Variants in TNNI3K observed in about 807,000 individuals in gnomAD.
The protein encoded by TNNI3K is serine/threonine-protein kinase TNNI3K.
TNNI3K carries 140 observed loss-of-function variants against 114.5 expected under a neutral mutation model. That is an observed-to-expected ratio of 1.22 (90% CI 1.07 to 1.41). The LOEUF is 1.41. TNNI3K is among the 40% of genes most tolerant of loss of function. The pLI is 0.00. For missense variants in TNNI3K, 1,125 were observed against 1,007.6 expected (o/e 1.12, Z -1.58); for synonymous variants, 347 against 347.5 (o/e 1.00, Z 0.02).
At chr1:74,389,231 A>G (rs1269079627) in intron 17 of TNNI3K, among the ~76,000 whole-genome samples, 1 of 152,236 alleles carries the variant, frequency 6.6e-6, no homozygotes, top group Admixed American at 6.5e-5. Context: ...TCTAAAGATT[A>G]CAGATTTATG....
Position 74,484,830 on chromosome 1 carries a change from C to G in TNNI3K, c.2122-4359C>G, listed in dbSNP as rs373082037. Among the ~76,000 whole-genome samples, 13 of 152,224 alleles carry G rather than the reference C, an allele frequency of 8.5e-5. No homozygotes were observed. The East Asian group carries it at 2.1e-3, about 25-fold the overall frequency. ...TTGGAGGCTATAGTGAGTGGCATTA[C>G]TTGGTCTGATGTCTATTTTTAAAGA... On this transcript the variant is annotated intron_variant, in intron 21 of 24. Transcript: ENST00000326637.
chr1:74,371,055 C>T (rs1662571196), intron 17 of TNNI3K: 1 of 151,854 alleles, frequency 6.6e-6, no homozygotes, highest in South Asian at 2.1e-4. Flanking sequence ...GATTCCTGCA[C>T]CACCTCTGTG....
At chr1:74,236,867 T>A (rs1241180765) in intron 2 of TNNI3K, among the ~76,000 whole-genome samples, 4 of 151,780 alleles carry the variant, frequency 2.6e-5, no homozygotes, top group Non-Finnish European at 5.9e-5. Flanking sequence ...GAATCTGACA[T>A]TGAGAAACTA....
chr1:74,538,137 A>G (rs1220218569), intron 23 of TNNI3K, among the ~76,000 whole-genome samples: 1 of 152,168 alleles, frequency 6.6e-6, no homozygotes, highest in East Asian at 1.9e-4. Flanking sequence ...GTGCTCAGCC[A>G]TAGTCATAGA....
At chr1:74,477,520 A>C (rs1291124450) in intron 21 of TNNI3K, among the ~76,000 whole-genome samples, 1 of 152,212 alleles carries the variant, frequency 6.6e-6, no homozygotes, top group Non-Finnish European at 1.5e-5. Context: ...TTAAATGACT[A>C]GTGCAGTTAG....
intron 5 of TNNI3K, among the ~76,000 whole-genome samples, chr1:74,278,089 AG>A (rs1656788835): frequency 6.6e-6 from 1 of 151,948 alleles, no homozygotes; most frequent in South Asian, 2.1e-4. Context: ...TCCTCTCCAA[AG>A]GCACAAATGA....
At chr1:74,332,988 G>GAGAGAAAT (rs1410909516) in intron 6 of TNNI3K, among the ~76,000 whole-genome samples, 4 of 143,270 alleles carry the variant, frequency 2.8e-5, no homozygotes, top group African/African-American at 1.0e-4. Flanking sequence ...GAGAGAGACA[G>GAGAGAAAT]AGAGAAATAC....
intron 17 of TNNI3K, among the ~76,000 whole-genome samples, chr1:74,415,784 T>C (rs1665090256): frequency 6.6e-6 from 1 of 152,044 alleles, no homozygotes; most frequent in South Asian, 2.1e-4. Flanking sequence ...CCGTTCTTGG[T>C]TTTAGATTAT....
chr1:74,354,217 A>G, intron 11 of TNNI3K, 88 bp downstream of exon 11: 1 of 1,567,348 alleles, frequency 6.4e-7, no homozygotes, highest in Non-Finnish European at 8.7e-7. Context: ...CTTTGCTTGC[A>G]TGACTTGAAC....
intron 23 of TNNI3K, among the ~76,000 whole-genome samples, chr1:74,496,588 G>A (rs922221275): frequency 6.6e-6 from 1 of 151,874 alleles, no homozygotes; most frequent in Non-Finnish European, 1.5e-5. Context: ...TGGGGTTTTT[G>A]GTTGTTTGTA....
At chr1:74,445,599 TTTTC>T (rs1218650973) in intron 20 of TNNI3K, among the ~76,000 whole-genome samples, 1 of 128,694 alleles carries the variant, frequency 7.8e-6, no homozygotes, top group Non-Finnish European at 1.6e-5. Context: ...ATGTTCCACA[TTTTC>T]TTTTTTTTCT....
chr1:74,350,173 C>A (rs890029595), intron 9 of TNNI3K, among the ~76,000 whole-genome samples: 4 of 152,076 alleles, frequency 2.6e-5, no homozygotes, highest in Non-Finnish European at 5.9e-5. Flanking sequence ...TATGTTGTGT[C>A]TTTGTTCTCG....
chr1:74,397,201 CAG>C (rs34456578), intron 17 of TNNI3K, among the ~76,000 whole-genome samples: 29 of 150,942 alleles, frequency 1.9e-4, no homozygotes, highest in African/African-American at 7.1e-4. Context: ...AACATGATGA[CAG>C]AGAGAGAGAC....
chr1:74,250,911 C>T (rs1350960181), intron 4 of TNNI3K, 142 bp downstream of exon 4: 4 of 615,182 alleles, frequency 6.5e-6, no homozygotes, highest in Non-Finnish European at 1.0e-5. Flanking sequence ...GGACTTCTTT[C>T]TCTTTATTGA....
At chr1:74,244,428 T>C (rs913556977) in intron 2 of TNNI3K, among the ~76,000 whole-genome samples, 10 of 152,086 alleles carry the variant, frequency 6.6e-5, no homozygotes, top group Admixed American at 4.6e-4. Flanking sequence ...TGAGGAACAA[T>C]TGTTGAATAA....
intron 9 of TNNI3K, chr1:74,346,245 A>G (rs778615883): frequency 4.6e-5 from 7 of 152,164 alleles, no homozygotes; most frequent in Non-Finnish European, 7.3e-5. Flanking sequence ...CTTCAGTAAA[A>G]TGAAAGCTTT....
chr1:74,340,974 G>A (rs1660721087), intron 7 of TNNI3K, among the ~76,000 whole-genome samples: 1 of 152,158 alleles, frequency 6.6e-6, no homozygotes, highest in Non-Finnish European at 1.5e-5. Context: ...GAAACTCAGT[G>A]ACTTTGTTAA....
Position 74,285,019 on chromosome 1 carries a change from C to T in TNNI3K, c.444+13311C>T, listed in dbSNP as rs138628266. ...TAAATAGGATAAAGGGCAATGGATA[C>T]ACATTTTTTGTTCAGAAATATAAAG... On this transcript the variant is annotated intron_variant, in intron 5 of 24. Coordinates refer to ENST00000326637, the MANE Select transcript of TNNI3K (RefSeq NM_015978.3). Among the ~76,000 whole-genome samples, 67 of 152,324 alleles carry T rather than the reference C, an allele frequency of 4.4e-4. No individual in the cohort carries two copies. The East Asian group carries it at 0.012, about 28-fold the overall frequency.
At chr1:74,473,652 A>AGG (rs1668049212) in intron 21 of TNNI3K, among the ~76,000 whole-genome samples, 1 of 152,038 alleles carries the variant, frequency 6.6e-6, no homozygotes, top group Non-Finnish European at 1.5e-5. Context: ...TTTCCCCAAG[A>AGG]GGTAAACTAA....
Sources: gnomAD v4.1 joint callset for allele counts (sites outside exome capture counted in the v4.1 genomes callset) on GRCh38, gnomAD v4.1.1 for gene constraint, MANE v1.5 for transcripts, NCBI Gene and HGNC (gene_info 2026-07-23, HGNC 2026-07-21) for gene names.